Variants in TTC28 observed in about 807,000 individuals in gnomAD.
TTC28 encodes tetratricopeptide repeat domain 28, also known as tetratricopeptide repeat protein 28.
In TTC28, 61 loss-of-function variants were observed where a neutral mutation model predicts 198.0. The observed-to-expected ratio is 0.31, with a 90% CI of 0.25 to 0.38. The LOEUF is 0.38. Ranked by LOEUF, TTC28 falls within the 10% of genes least tolerant of loss-of-function variation. TTC28 has a pLI of 1.00. For missense variants in TTC28, 2,678 were observed against 3,164.0 expected (o/e 0.85, Z 3.69); for synonymous variants, 1,171 against 1,297.8 (o/e 0.90, Z 2.10).
intron 2 of TTC28, among the ~76,000 whole-genome samples, chr22:28,379,328 C>G (rs1275947184): frequency 6.6e-6 from 1 of 152,156 alleles, no homozygotes; most frequent in African/African-American, 2.4e-5. Context: ...TTTGAATACC[C>G]ATGTTCAAAG....
At chr22:28,040,044 T>A (rs951118569) in intron 12 of TTC28, among the ~76,000 whole-genome samples, 1 of 152,154 alleles carries the variant, frequency 6.6e-6, no homozygotes, top group East Asian at 1.9e-4. Context: ...CAGGAAGAAG[T>A]TGAATCCCTG....
At chr22:28,186,971 C>T (rs529357826) in intron 5 of TTC28, among the ~76,000 whole-genome samples, 1 of 152,224 alleles carries the variant, frequency 6.6e-6, no homozygotes, top group African/African-American at 2.4e-5. Context: ...ACCTAATCAG[C>T]TTATTAGCTT....
intron 2 of TTC28, among the ~76,000 whole-genome samples, chr22:28,599,823 A>C (rs1183802935): frequency 1.3e-5 from 2 of 152,202 alleles, no homozygotes; most frequent in African/African-American, 4.8e-5. Context: ...AGGTTCTCTG[A>C]AACCAGAGTA....
intron 15 of TTC28, chr22:27,999,588 T>C (rs1601501067): frequency 9.9e-6 from 3 of 303,304 alleles, no homozygotes; most frequent in East Asian, 1.3e-4. Flanking sequence ...TCCACAATCC[T>C]CATCCCCACA....
chr22:28,642,407 A>G (rs779981940), intron 1 of TTC28, among the ~76,000 whole-genome samples: 3 of 151,734 alleles, frequency 2.0e-5, no homozygotes, highest in Admixed American at 1.3e-4. Flanking sequence ...GTGAATAGAT[A>G]ATAACAGTAT....
chr22:28,425,496 G>A (rs187871691), intron 2 of TTC28, among the ~76,000 whole-genome samples: 5 of 152,296 alleles, frequency 3.3e-5, no homozygotes, highest in African/African-American at 7.2e-5. Context: ...AGGAATGCAC[G>A]ATTCGCTCCT....
At chr22:28,209,256 G>T (rs117834990) in intron 5 of TTC28, among the ~76,000 whole-genome samples, 1 of 152,170 alleles carries the variant, frequency 6.6e-6, no homozygotes, top group Non-Finnish European at 1.5e-5. Context: ...GGTGATTTCC[G>T]CATTTCCAAC....
At chr22:28,097,215 C>T (rs1262532490) in intron 10 of TTC28, among the ~76,000 whole-genome samples, 1 of 152,222 alleles carries the variant, frequency 6.6e-6, no homozygotes, top group Admixed American at 6.5e-5. Context: ...TTTTCCCTTT[C>T]ACTGGCCTTG....
intron 5 of TTC28, among the ~76,000 whole-genome samples, chr22:28,216,954 C>T (rs745467245): frequency 1.4e-4 from 22 of 152,024 alleles, no homozygotes; most frequent in African/African-American, 2.7e-4. Context: ...TGGGCTCAAG[C>T]GATCGTCCTT....
Position 28,476,797 on chromosome 22 carries a change from T to C in TTC28, c.381+152755A>G, listed in dbSNP as rs1031384093. Among the ~76,000 whole-genome samples, 35 of 152,258 alleles carry C rather than the reference T, an allele frequency of 2.3e-4. 1 individual carries two copies. Among genetic ancestry groups the C allele is most frequent in the Admixed American group, 1.8e-3 (28 of 15,290 alleles). On this transcript the variant is annotated intron_variant, in intron 2 of 22. Transcript: ENST00000397906. ...TAAGTATTTGCTCAAGAAAAATGAA[T>C]ATATGTTTAAAAACAGACTTGTATA...
chr22:28,271,506 G>A (rs772314409), intron 5 of TTC28, among the ~76,000 whole-genome samples: 9 of 152,096 alleles, frequency 5.9e-5, no homozygotes, highest in Non-Finnish European at 1.2e-4. Context: ...TGTAGTTCCC[G>A]TAATTCCCAT....
intron 2 of TTC28, among the ~76,000 whole-genome samples, chr22:28,577,813 G>A (rs912510344): frequency 8.6e-5 from 13 of 151,990 alleles, no homozygotes; most frequent in African/African-American, 3.1e-4. Flanking sequence ...CCATTTGCAT[G>A]GAGTATCTTT....
At chr22:28,369,089 A>T (rs1158178360) in intron 2 of TTC28, among the ~76,000 whole-genome samples, 1 of 152,148 alleles carries the variant, frequency 6.6e-6, no homozygotes, top group Non-Finnish European at 1.5e-5. Flanking sequence ...AACAATCCTA[A>T]AATGTATATG....
intron 2 of TTC28, among the ~76,000 whole-genome samples, chr22:28,584,083 G>A (rs527421797): frequency 6.7e-6 from 1 of 148,712 alleles, no homozygotes; most frequent in South Asian, 2.2e-4. Flanking sequence ...GGGCTCAAGC[G>A]ATCCTCCTAC....
chr22:28,656,050 A>G (rs2051644440), intron 1 of TTC28, among the ~76,000 whole-genome samples: 1 of 152,192 alleles, frequency 6.6e-6, no homozygotes, highest in Non-Finnish European at 1.5e-5. Flanking sequence ...ATTTTTAAGT[A>G]AAAAGCTGAA....
chr22:28,233,271 A>G (rs1928956389), intron 5 of TTC28, among the ~76,000 whole-genome samples: 1 of 152,120 alleles, frequency 6.6e-6, no homozygotes, highest in Admixed American at 6.5e-5. Context: ...CTCCCAGTTG[A>G]GTTATATTAG....
At chr22:28,420,406 A>G (rs1024803181) in intron 2 of TTC28, among the ~76,000 whole-genome samples, 8 of 152,142 alleles carry the variant, frequency 5.3e-5, no homozygotes, top group Admixed American at 5.2e-4. Flanking sequence ...GTACTTTTCT[A>G]GTAGTTTCTC....
At chr22:28,514,149 C>T (rs2048738859) in intron 2 of TTC28, among the ~76,000 whole-genome samples, 1 of 152,162 alleles carries the variant, frequency 6.6e-6, no homozygotes, top group Admixed American at 6.5e-5. Context: ...TCTTATATGT[C>T]ATAAATTTCT....
intron 6 of TTC28, among the ~76,000 whole-genome samples, chr22:28,137,629 A>G (rs1395741625): frequency 6.6e-6 from 1 of 152,078 alleles, no homozygotes; most frequent in Non-Finnish European, 1.5e-5. Context: ...ATAATCCAAC[A>G]GGAAAAGTGC....
Sources: gnomAD v4.1 joint callset for allele counts (sites outside exome capture counted in the v4.1 genomes callset) on GRCh38, gnomAD v4.1.1 for gene constraint, MANE v1.5 for transcripts, NCBI Gene and HGNC (gene_info 2026-07-23, HGNC 2026-07-21) for gene names.